LYPD6: variants seen among roughly 807,000 people sequenced by gnomAD.
LYPD6 encodes LY6/PLAUR domain containing 6, also known as ly6/PLAUR domain-containing protein 6.
A neutral mutation model predicts 22.7 loss-of-function variants in LYPD6; 15 were observed. The observed-to-expected ratio is 0.66, with a 90% confidence interval of 0.44 to 1.02. The LOEUF is 1.02. Among genes scored for constraint, LYPD6 ranks in the 50% least tolerant of loss-of-function variants. LYPD6 has a pLI of 0.00. For synonymous variants in LYPD6, 72 were observed against 77.5 expected, an observed-to-expected ratio of 0.93 and a Z score of 0.37; for missense variants, 189 against 208.4, an observed-to-expected ratio of 0.91 and a Z score of 0.57.
Position 149,470,685 on chromosome 2 carries a change from C to T in LYPD6, c.351C>T (p.Val117=). The stretch of plus-strand genomic sequence containing the variant: ...CTTTTTTTCTTCCTTTCTTTCAGGT[C>T]TGCACTTCTTGTTGTGAAGGAAATA... ...CRDSEHEGHK[V]CTSCCEGNIC... The change falls in exon 5 of 5, where the codon GTC becomes GTT. Residue 117 remains valine, a splice_region_variant and synonymous_variant. Coordinates refer to ENST00000334166, the MANE Select transcript of LYPD6 (RefSeq NM_194317.5). 6.2e-7 allele frequency: 1 copy of T among 1,612,960 alleles called. No homozygotes were observed.
chr2:149,331,980 T>G (rs1680947505), intron 1 of LYPD6, among the ~76,000 whole-genome samples: 1 of 152,220 alleles, frequency 6.6e-6, no homozygotes, highest in Non-Finnish European at 1.5e-5. Flanking sequence ...GTTTAAAATT[T>G]TGGATCTGCA....
chr2:149,332,261 G>A (rs1680953482), intron 1 of LYPD6, among the ~76,000 whole-genome samples: 1 of 152,210 alleles, frequency 6.6e-6, no homozygotes, highest in South Asian at 2.1e-4. Context: ...TTCTGAGCTT[G>A]TAGGCACACA....
intron 3 of LYPD6, among the ~76,000 whole-genome samples, chr2:149,468,387 A>G (rs1280734213): frequency 6.6e-6 from 1 of 152,178 alleles, no homozygotes; most frequent in East Asian, 1.9e-4. Context: ...GTTGAAAGGC[A>G]AGGAGAAACC....
the LYPD6 span, among the ~76,000 whole-genome samples, chr2:149,485,147 G>A: frequency 6.6e-6 from 1 of 152,138 alleles, no homozygotes; most frequent in African/African-American, 2.4e-5. Context: ...CATAGTTAAG[G>A]GCCAGAGAGG....
intron 3 of LYPD6, among the ~76,000 whole-genome samples, chr2:149,453,585 A>G (rs1680883353): frequency 6.6e-6 from 1 of 152,232 alleles, no homozygotes. Context: ...TTTTTCTGTA[A>G]AAGTAAAGAA....
At chr2:149,338,429 C>G (rs1681099625) in intron 1 of LYPD6, among the ~76,000 whole-genome samples, 1 of 152,148 alleles carries the variant, frequency 6.6e-6, no homozygotes, top group Non-Finnish European at 1.5e-5. Flanking sequence ...TAGTGGCATA[C>G]CTCCAAAATT....
chr2:149,460,142 A>G (rs1157558925), intron 3 of LYPD6, among the ~76,000 whole-genome samples: 1 of 152,208 alleles, frequency 6.6e-6, no homozygotes, highest in Non-Finnish European at 1.5e-5. Context: ...AAGAAAAAAC[A>G]AAAACAAGAC....
intron 1 of LYPD6, among the ~76,000 whole-genome samples, chr2:149,421,484 C>A (rs1683078570): frequency 6.6e-6 from 1 of 151,630 alleles, no homozygotes. Flanking sequence ...CCCTACTACA[C>A]TGAGTGTTGT....
chr2:149,451,523 G>A (rs949084141), intron 3 of LYPD6, among the ~76,000 whole-genome samples: 1 of 152,018 alleles, frequency 6.6e-6, no homozygotes, highest in Non-Finnish European at 1.5e-5. Flanking sequence ...GTAGGCTCTG[G>A]GCCACGTTTG....
intron 1 of LYPD6, among the ~76,000 whole-genome samples, chr2:149,414,248 T>C (rs1682914804): frequency 6.6e-6 from 1 of 152,198 alleles, no homozygotes; most frequent in South Asian, 2.1e-4. Context: ...TAAAGTGATT[T>C]TATTAAAGCA....
intron 3 of LYPD6, among the ~76,000 whole-genome samples, chr2:149,462,001 G>C (rs1282541087): frequency 6.6e-6 from 1 of 151,984 alleles, no homozygotes. Flanking sequence ...AATTATGTCT[G>C]CTTTCACTAC....
chr2:149,344,566 A>T (rs904632791), intron 1 of LYPD6, among the ~76,000 whole-genome samples: 3 of 152,246 alleles, frequency 2.0e-5, no homozygotes, highest in African/African-American at 7.2e-5. Context: ...AGATGAAAAG[A>T]TGAATACTGA....
intron 1 of LYPD6, among the ~76,000 whole-genome samples, chr2:149,412,092 A>G (rs1682863458): frequency 6.6e-6 from 1 of 152,184 alleles, no homozygotes; most frequent in Non-Finnish European, 1.5e-5. Context: ...TTTGAAATTT[A>G]TCAGCTAGGA....
intron 1 of LYPD6, among the ~76,000 whole-genome samples, chr2:149,406,774 T>C (rs1411824315): frequency 6.6e-6 from 1 of 152,084 alleles, no homozygotes; most frequent in Non-Finnish European, 1.5e-5. Context: ...ATCCTGTCAT[T>C]ATGATGTTAG....
chr2:149,408,187 A>G (rs1162360888), intron 1 of LYPD6, among the ~76,000 whole-genome samples: 5 of 152,212 alleles, frequency 3.3e-5, no homozygotes, highest in Non-Finnish European at 7.3e-5. Context: ...GTCAGGGGTC[A>G]GGGACCCACT....
At chr2:149,378,538 T>C (rs1176034501) in intron 1 of LYPD6, among the ~76,000 whole-genome samples, 11 of 152,242 alleles carry the variant, frequency 7.2e-5, no homozygotes, top group Non-Finnish European at 1.5e-4. Flanking sequence ...TTAACAAATA[T>C]TTTTGGATGT....
chr2:149,445,101 T>C (rs1378642189), intron 2 of LYPD6, among the ~76,000 whole-genome samples: 1 of 152,180 alleles, frequency 6.6e-6, no homozygotes, highest in Non-Finnish European at 1.5e-5. Context: ...TTAATTTCCT[T>C]GTAGATCTCC....
intron 1 of LYPD6, among the ~76,000 whole-genome samples, chr2:149,429,319 G>A (rs1559149365): frequency 6.6e-6 from 1 of 152,174 alleles, no homozygotes; most frequent in African/African-American, 2.4e-5. Context: ...TGTAGTTTGG[G>A]AGGACCTGAT....
intron 1 of LYPD6, among the ~76,000 whole-genome samples, chr2:149,406,217 TG>T (rs1682703149): frequency 6.6e-6 from 1 of 151,872 alleles, no homozygotes; most frequent in Admixed American, 6.6e-5. Flanking sequence ...TCTGTTGATT[TG>T]GGGTGGAGAG....
Sources: allele counts gnomAD v4.1 joint callset (sites outside exome capture counted in the v4.1 genomes callset), GRCh38; gene constraint gnomAD v4.1.1; transcripts MANE v1.5; gene names NCBI Gene and HGNC (gene_info 2026-07-23, HGNC 2026-07-21).